Variants in ADAMTS20 observed in about 807,000 individuals in gnomAD.
ADAMTS20 encodes ADAM metallopeptidase with thrombospondin type 1 motif 20.
ADAMTS20 carries 225 observed loss-of-function variants against 260.1 expected under a neutral mutation model. That is an observed-to-expected ratio of 0.87 (90% CI 0.78 to 0.97). The LOEUF (loss-of-function observed/expected upper bound fraction) is 0.97. Among genes scored for constraint, ADAMTS20 ranks in the 50% least tolerant of loss-of-function variants. ADAMTS20 has a pLI of 0.00. For synonymous variants in ADAMTS20, 802 were observed against 769.5 expected, an observed-to-expected ratio of 1.04 and a Z score of -0.70; for missense variants, 2,400 against 2,337.7, an observed-to-expected ratio of 1.03 and a Z score of -0.55.
intron 3 of ADAMTS20, among the ~76,000 whole-genome samples, chr12:43,510,709 G>T (rs1942910728): frequency 6.6e-6 from 1 of 151,934 alleles, no homozygotes; most frequent in South Asian, 2.1e-4. Context: ...CGCACACCAT[G>T]CAACAATGAT....
chr12:43,366,988 A>C (rs1455542493), intron 37 of ADAMTS20, among the ~76,000 whole-genome samples: 1 of 152,004 alleles, frequency 6.6e-6, no homozygotes, highest in Non-Finnish European at 1.5e-5. Flanking sequence ...GGGAGACATA[A>C]CTACCAAAAC....
intron 29 of ADAMTS20, among the ~76,000 whole-genome samples, chr12:43,398,646 C>G (rs12306994): frequency 0.25 from 37,807 of 151,998 alleles, 5,311 homozygotes; most frequent in African/African-American, 0.38. Context: ...GCATAGAATA[C>G]TATTATGATT....
intron 2 of ADAMTS20, 51 bp from the exon 3 acceptor site, chr12:43,532,246 A>G: frequency 6.6e-7 from 1 of 1,510,862 alleles, no homozygotes; most frequent in Non-Finnish European, 9.0e-7. Context: ...CGCCAAGAAG[A>G]AAAAACACAT....
At chr12:43,449,672 T>C (rs1456170573) in intron 14 of ADAMTS20, among the ~76,000 whole-genome samples, 3 of 152,126 alleles carry the variant, frequency 2.0e-5, no homozygotes, top group Non-Finnish European at 4.4e-5. Flanking sequence ...ACTATAAGCA[T>C]GGTGCTTTAA....
intron 37 of ADAMTS20, among the ~76,000 whole-genome samples, chr12:43,362,829 A>AG (rs1939901372): frequency 6.9e-6 from 1 of 145,132 alleles, no homozygotes; most frequent in Non-Finnish European, 1.5e-5. Context: ...AAGTATAATT[A>AG]GAAAAAAAAA....
chr12:43,377,793 T>TGTGTGTGC (rs1940262994), intron 31 of ADAMTS20, among the ~76,000 whole-genome samples: 1 of 140,180 alleles, frequency 7.1e-6, no homozygotes, highest in Non-Finnish European at 1.5e-5. Flanking sequence ...CTGTAGTGCC[T>TGTGTGTGC]GTGTGTGCGT....
chr12:43,356,431 A>T, intron 38 of ADAMTS20, 53 bp downstream of exon 38: 1 of 1,171,568 alleles, frequency 8.5e-7, no homozygotes, highest in Non-Finnish European at 1.2e-6. Context: ...CTTTAATGCT[A>T]GTTCATAGCT....
At chr12:43,404,881 T>G (rs1940882468) in intron 28 of ADAMTS20, among the ~76,000 whole-genome samples, 2 of 152,020 alleles carry the variant, frequency 1.3e-5, no homozygotes, top group African/African-American at 4.8e-5. Context: ...TTCATATAAA[T>G]TATTGTGTTA....
chr12:43,383,608 A>G lies in ADAMTS20; in HGVS notation c.4747T>C (p.Cys1583Arg), dbSNP rs1463601116. The G allele has an allele frequency of 1.2e-6, 2 of 1,613,748 alleles. No individual in the cohort carries two copies. The highest frequency in any genetic ancestry group is 2.7e-5 in the African/African-American group (2 of 75,026). Reference protein sequence around the residue: ...SSTISLTSKNCRNPPCNYIVV... With the variant: ...SSTISLTSKNRRNPPCNYIVV... ...ATGTAATTGCAAGGAGGGTTCCTGC[A>G]ATTCTTGGATGTAAGAGATATGGTT... Residue 1583 changes from cysteine to arginine, a missense_variant, in exon 31 of 39, where the codon TGC becomes CGC. By Grantham distance (180) the Cys-to-Arg change is radical. Coordinates refer to ENST00000389420, the MANE Select transcript of ADAMTS20 (RefSeq NM_025003.5).
intron 2 of ADAMTS20, among the ~76,000 whole-genome samples, chr12:43,535,888 G>C (rs1943288090): frequency 6.6e-6 from 1 of 152,078 alleles, no homozygotes; most frequent in African/African-American, 2.4e-5. Flanking sequence ...AAAGACTAGT[G>C]AAGGGAAATG....
In ADAMTS20 at chr12:43,462,968, G is replaced by A. The variant is rs756119705; in HGVS notation, c.1541C>T (p.Thr514Ile). 3 of 1,608,146 alleles carry A rather than the reference G, an allele frequency of 1.9e-6. 1 individual carries two copies. The South Asian group carries it at 3.3e-5, about 18-fold the overall frequency. Residue 514 changes from threonine to isoleucine, a missense_variant, in exon 11 of 39, where the codon ACA (threonine) becomes ATA (isoleucine). By Grantham distance (89) the Thr-to-Ile change is moderately conservative. Coordinates refer to ENST00000389420, the MANE Select transcript of ADAMTS20 (RefSeq NM_025003.5). ...GAAACAGCCTTTGTGAAGCTTTTCT[G>A]TGCTTGTGCACCACAGATGCATGCA... ...NICMHLWCTSTEKLHKGCFTQ... is the reference protein window; with the variant it reads ...NICMHLWCTSIEKLHKGCFTQ...
At chr12:43,378,647 C>T (rs1940282044) in intron 31 of ADAMTS20, among the ~76,000 whole-genome samples, 2 of 152,120 alleles carry the variant, frequency 1.3e-5, no homozygotes, top group South Asian at 4.1e-4. Context: ...TAAAAAATAT[C>T]TAGTCAGCAA....
At chr12:43,530,704 T>C (rs1345458185) in intron 3 of ADAMTS20, among the ~76,000 whole-genome samples, 1 of 152,132 alleles carries the variant, frequency 6.6e-6, no homozygotes, top group South Asian at 2.1e-4. Flanking sequence ...ATCATATCGT[T>C]GCATGTCATT....
intron 28 of ADAMTS20, among the ~76,000 whole-genome samples, chr12:43,413,535 T>C (rs1424853397): frequency 6.6e-6 from 1 of 152,210 alleles, no homozygotes; most frequent in Non-Finnish European, 1.5e-5. Flanking sequence ...TATTTTAATT[T>C]AGAGTAATTC....
chr12:43,550,918 G>A lies in ADAMTS20; in HGVS notation c.444C>T (p.Cys148=). The part of the protein sequence containing the change: ...QEDYKAVVSL[C]GGLTGTFKGQ... ...ACCCGAGGACACTCACCAGGCCTCC[G>A]CATAAGCTGACGACGGCCTTGTAAT... Residue 148 remains cysteine (C), a synonymous_variant, in exon 2 of 39, where the codon TGC becomes TGT. Transcript: ENST00000389420. 1.3e-6 allele frequency: 2 copies of A among 1,563,096 alleles called. No individual in the cohort carries two copies. Among genetic ancestry groups the A allele is most frequent in the South Asian group, 1.2e-5 (1 of 84,420 alleles).
intron 29 of ADAMTS20, among the ~76,000 whole-genome samples, chr12:43,390,272 G>A (rs893846798): frequency 3.9e-5 from 6 of 152,186 alleles, no homozygotes; most frequent in African/African-American, 1.2e-4. Flanking sequence ...TAATCTCCCT[G>A]TTGTACTGAT....
intron 3 of ADAMTS20, among the ~76,000 whole-genome samples, chr12:43,516,097 C>G (rs1389385754): frequency 2.0e-5 from 3 of 152,026 alleles, no homozygotes; most frequent in Non-Finnish European, 2.9e-5. Flanking sequence ...AACATTAGTC[C>G]TGAGGTCCAG....
chr12:43,377,801 C>CCT (rs1555172953), intron 31 of ADAMTS20, among the ~76,000 whole-genome samples: 2 of 150,322 alleles, frequency 1.3e-5, no homozygotes, highest in African/African-American at 4.9e-5. Context: ...CCTGTGTGTG[C>CCT]GTGTGTGTGT....
chr12:43,515,920 T>C (rs1942994022), intron 3 of ADAMTS20, among the ~76,000 whole-genome samples: 1 of 152,210 alleles, frequency 6.6e-6, no homozygotes, highest in South Asian at 2.1e-4. Context: ...ATTTTTCAAA[T>C]GAATGTTTAG....
Sources: gnomAD v4.1 joint callset for allele counts (sites outside exome capture counted in the v4.1 genomes callset) on GRCh38, gnomAD v4.1.1 for gene constraint, MANE v1.5 for transcripts, NCBI Gene and HGNC (gene_info 2026-07-23, HGNC 2026-07-21) for gene names.